Variants in SIM1 observed in about 807,000 individuals in gnomAD.
SIM1 encodes single-minded homolog 1.
In SIM1, 18 loss-of-function variants were observed where a neutral mutation model predicts 78.2. The observed-to-expected ratio is 0.23, with a 90% confidence interval of 0.16 to 0.34. The LOEUF is 0.34. Ranked by LOEUF, SIM1 falls within the 10% of genes least tolerant of loss-of-function variation. The probability of loss-of-function intolerance (pLI) is 1.00; values close to 1 mark genes in which losing one functional copy is unlikely to be tolerated. For synonymous variants in SIM1, 417 were observed against 385.2 expected (o/e 1.08, Z -0.97); for missense variants, 939 against 975.1 (o/e 0.96, Z 0.49).
rs139767890 is a variant in SIM1 at position 100,389,550 on chromosome 6, C to A, written c.*811G>T. The A allele has an allele frequency of 3.8e-4, 152 of 398,630 alleles. No homozygotes were observed. Among genetic ancestry groups the A allele is most frequent in the African/African-American group, 2.4e-3 (116 of 48,742 alleles). The allele number at this position is 398,630 out of a possible 1,614,324, so 24.7% of individuals were successfully genotyped here. On this transcript the variant is annotated 3_prime_UTR_variant, in exon 12 of 12. Coordinates refer to ENST00000369208, the MANE Select transcript of SIM1 (RefSeq NM_005068.3). The stretch of plus-strand genomic sequence containing the variant: ...TAAACTTTGAGATAGCATTTTATTT[C>A]ACTCTGCCTCTGGCCTTTCCATATT...
At chr6:100,408,793 G>T (rs939811186) in intron 10 of SIM1, among the ~76,000 whole-genome samples, 4 of 152,026 alleles carry the variant, frequency 2.6e-5, no homozygotes, top group Non-Finnish European at 5.9e-5. Context: ...CTTTCAATAT[G>T]TTGTTCAATT....
chr6:100,391,233 G>T, intron 11 of SIM1, 142 bp from the exon 12 acceptor site: 1 of 849,392 alleles, frequency 1.2e-6, no homozygotes, highest in Non-Finnish European at 1.7e-6. Flanking sequence ...CACATGATGT[G>T]AGCACATGAG....
intron 10 of SIM1, among the ~76,000 whole-genome samples, chr6:100,418,392 T>TAAATAAATAAATAAAAA (rs1562242470): frequency 3.2e-5 from 4 of 123,466 alleles, no homozygotes; most frequent in Non-Finnish European, 5.2e-5. Flanking sequence ...ATAAATAAAA[T>TAAATAAATAAATAAAAA]AAAAAATTAA....
At chr6:100,443,623 T>G (rs1051920727) in intron 9 of SIM1, among the ~76,000 whole-genome samples, 1 of 152,110 alleles carries the variant, frequency 6.6e-6, no homozygotes, top group African/African-American at 2.4e-5. Context: ...CAGATTGTTT[T>G]TAACGGCACC....
chr6:100,450,696 T>TCTCTCACACA (rs1421452803), intron 3 of SIM1, among the ~76,000 whole-genome samples: 7,634 of 91,742 alleles, frequency 0.083, 385 homozygotes, highest in Non-Finnish European at 0.13. Context: ...TCTCTCTCTC[T>TCTCTCACACA]CACACACACA....
chr6:100,449,476 A>T (rs1422330154), intron 5 of SIM1, 28 bp from the exon 6 acceptor site: 1 of 1,602,582 alleles, frequency 6.2e-7, no homozygotes, highest in Non-Finnish European at 8.6e-7. Context: ...AGGGAAGCTC[A>T]GGTCGTGTGA....
chr6:100,447,388 T>C lies in SIM1; in HGVS notation c.878A>G (p.Lys293Arg), dbSNP rs1309352835. 6.2e-7 allele frequency: 1 copy of C among 1,614,118 alleles called. No individual in the cohort carries two copies. The highest frequency in any genetic ancestry group is 8.5e-7 in the Non-Finnish European group (1 of 1,180,054). ...LLLVKGQVTT[K>R]YYRFLAKHGG... ...GTGTTTCGCCAGGAACCTGTAGTACTTGGTGGTCACCTGTCCCTTCACCAG... is the reference window on the plus strand; with the variant it reads ...GTGTTTCGCCAGGAACCTGTAGTACCTGGTGGTCACCTGTCCCTTCACCAG... Residue 293 changes from lysine (K) to arginine (R), a missense_variant, in exon 9 of 12, where the codon AAG becomes AGG. Physicochemically the swap from Lys to Arg is conservative, Grantham distance 26 (BLOSUM62 2). This residue lies in a region of SIM1 where 66 missense variants were observed against 108.4 expected (regional missense o/e 0.61). Transcript: ENST00000369208.
In SIM1 at chr6:100,390,434, GAAGTTACATCA is replaced by G; in HGVS notation, c.2217_2227del (p.Asp740ProfsTer28). 1 of 1,614,112 alleles carries G rather than the reference GAAGTTACATCA, an allele frequency of 6.2e-7. No individual in the cohort carries two copies. The highest frequency in any genetic ancestry group is 8.5e-7 in the Non-Finnish European group (1 of 1,180,020). On this transcript the variant is annotated frameshift_variant, in exon 12 of 12. Transcript: ENST00000369208. LOFTEE classifies it high-confidence loss of function. ...TGGGTCTGGTTGCATCCTCAGATGG[GAAGTTACATCA>G]AAGTGTGAGCCATTACAGCCCAAGG...
At chr6:100,407,175 A>G (rs977236162) in intron 10 of SIM1, among the ~76,000 whole-genome samples, 1 of 152,174 alleles carries the variant, frequency 6.6e-6, no homozygotes, top group African/African-American at 2.4e-5. Context: ...TTGTATATAT[A>G]TACTTTTTAA....
Position 100,450,350 on chromosome 6 carries a change from C to A in SIM1, c.265G>T (p.Asp89Tyr). ...ELGSHLLQTL[D>Y]GFIFVVAPDG... The stretch of plus-strand genomic sequence containing the variant: ...GGGGCTACCACGAAGATGAAGCCAT[C>A]CAGGGTCTGGGGAGGCACAAATAGA... Residue 89 changes from aspartate to tyrosine, a missense_variant, in exon 4 of 12, where the codon GAT becomes TAT. Around this residue, in one of 5 missense-constraint regions of SIM1, gnomAD observed 121 missense variants for 124.6 expected, o/e 0.97. Coordinates refer to ENST00000369208, the MANE Select transcript of SIM1 (RefSeq NM_005068.3). 1 of 1,613,926 alleles carries A rather than the reference C, an allele frequency of 6.2e-7. No homozygotes were observed. The highest frequency in any genetic ancestry group is 8.5e-7 in the Non-Finnish European group (1 of 1,179,954).
intron 10 of SIM1, among the ~76,000 whole-genome samples, chr6:100,398,067 A>T (rs1770812358): frequency 6.6e-6 from 1 of 152,158 alleles, no homozygotes; most frequent in Non-Finnish European, 1.5e-5. Context: ...TGCTGATGGG[A>T]ATATAAAATG....
Position 100,390,477 on chromosome 6 carries a change from T to G in SIM1, c.2185A>C (p.Asn729His), listed in dbSNP as rs776650850. 4 of 1,614,148 alleles carry G rather than the reference T, an allele frequency of 2.5e-6. No individual in the cohort carries two copies. In the East Asian group the frequency reaches 8.9e-5, roughly 36 times the overall value. Residue 729 changes from asparagine (N) to histidine (H), a missense_variant, in exon 12 of 12, where the codon AAC becomes CAC. This residue lies in a region of SIM1 where 556 missense variants were observed against 521.9 expected (regional missense o/e 1.07). Transcript: ENST00000369208. ...GAGCCATTACAGCCCAAGGAATAGTTTCTAATGGTTTCGCTGTCATATAAG... is the reference window on the plus strand; with the variant it reads ...GAGCCATTACAGCCCAAGGAATAGTGTCTAATGGTTTCGCTGTCATATAAG... ...EHLYDSETIR[N>H]YSLGCNGSHF...
chr6:100,450,542 A>C (rs1246018594), intron 3 of SIM1, among the ~76,000 whole-genome samples, 186 bp from the exon 4 acceptor site: 1 of 152,210 alleles, frequency 6.6e-6, no homozygotes, highest in African/African-American at 2.4e-5. Context: ...ATTTGTAAAC[A>C]TCTGGGGCAT....
chr6:100,417,128 A>G (rs1034969457), intron 10 of SIM1, among the ~76,000 whole-genome samples: 1 of 152,108 alleles, frequency 6.6e-6, no homozygotes, highest in Non-Finnish European at 1.5e-5. Flanking sequence ...TTAACAATTT[A>G]TTCCTGCATT....
chr6:100,429,496 G>A (rs1481152052), intron 9 of SIM1, among the ~76,000 whole-genome samples: 1 of 151,956 alleles, frequency 6.6e-6, no homozygotes, highest in Non-Finnish European at 1.5e-5. Context: ...ATATCCATGT[G>A]ATAAAATATT....
At position 100,448,126 on chromosome 6, in the gene SIM1, G is replaced by C. The variant is rs1003687054; in HGVS notation, c.850+20C>G. 7 of 1,595,408 alleles carry C rather than the reference G, an allele frequency of 4.4e-6. No individual in the cohort carries two copies. Among genetic ancestry groups the C allele is most frequent in the Admixed American group, 1.7e-5 (1 of 59,456 alleles). On this transcript the variant is annotated intron_variant, in intron 8 of 11. Coordinates refer to ENST00000369208, the MANE Select transcript of SIM1 (RefSeq NM_005068.3). ...GGATGCGCCAAGGTTGCTAGGGTAC[G>C]GGGCAGGGTGGCGCCTTACGCAAAT... is the stretch of plus-strand genomic sequence containing the variant.
chr6:100,400,443 C>A (rs9376963), intron 10 of SIM1, among the ~76,000 whole-genome samples: 39,258 of 151,592 alleles, frequency 0.26, 5,692 homozygotes, highest in East Asian at 0.57. Context: ...ATTAAAAACA[C>A]AATTTAAAAA....
At position 100,385,938 on chromosome 6, in the gene SIM1, C is replaced by G. The variant is rs1770507507; in HGVS notation, c.*4423G>C. 1 of 151,888 alleles carries G rather than the reference C, an allele frequency of 6.6e-6. No homozygotes were observed. The highest frequency in any genetic ancestry group is 2.1e-4 in the South Asian group (1 of 4,816). 9.4% of individuals were successfully genotyped at this position (151,888 alleles called of 1,614,324 possible). Reference sequence around the variant, plus strand: ...TTTCCCCCAACAATATTTTCTATGTCTGATACCTTTTGCATGTGTCCATAA... The same window carrying G: ...TTTCCCCCAACAATATTTTCTATGTGTGATACCTTTTGCATGTGTCCATAA... On this transcript the variant is annotated 3_prime_UTR_variant, in exon 12 of 12. Transcript: ENST00000369208.
At chr6:100,445,022 G>C (rs1391852833) in intron 9 of SIM1, among the ~76,000 whole-genome samples, 1 of 152,142 alleles carries the variant, frequency 6.6e-6, no homozygotes, top group Non-Finnish European at 1.5e-5. Context: ...TCATTCTCAG[G>C]CTTCATAGGG....
Sources: gnomAD v4.1 joint callset for allele counts (sites outside exome capture counted in the v4.1 genomes callset) on GRCh38, gnomAD v4.1.1 for gene constraint, gnomAD v4.1.1 regional missense constraint, MANE v1.5 for transcripts, NCBI Gene and HGNC (gene_info 2026-07-23, HGNC 2026-07-21) for gene names.